Variants in RPS6KA5 observed in about 807,000 individuals in gnomAD.
RPS6KA5 encodes the protein ribosomal protein S6 kinase A5.
In RPS6KA5, 27 loss-of-function variants were observed where a neutral mutation model predicts 85.5. The observed-to-expected ratio is 0.32, with a 90% CI of 0.23 to 0.44. The LOEUF (loss-of-function observed/expected upper bound fraction) is 0.44, where lower values mean the gene tolerates loss of function less well. Among genes scored for constraint, RPS6KA5 ranks in the 20% least tolerant of loss-of-function variants. The pLI is 1.00. For synonymous variants in RPS6KA5, 334 were observed against 348.2 expected (o/e 0.96, Z 0.46); for missense variants, 811 against 980.9 (o/e 0.83, Z 2.31).
chr14:90,932,740 C>G (rs748885153), intron 5 of RPS6KA5, among the ~76,000 whole-genome samples: 4 of 152,180 alleles, frequency 2.6e-5, no homozygotes. Flanking sequence ...AGCATGATCA[C>G]GCACAAACTC....
Position 90,873,652 on chromosome 14 carries a change from A to G in RPS6KA5, c.2140T>C (p.Cys714Arg), listed in dbSNP as rs757249503. Residue 714 changes from cysteine to arginine, a missense_variant, in exon 16 of 17, where the codon TGT becomes CGT. Physicochemically the swap from Cys to Arg is radical, Grantham distance 180 (BLOSUM62 -3). Around this residue, in one of 3 missense-constraint regions of RPS6KA5, gnomAD observed 650 missense variants for 793.4 expected, o/e 0.82. Coordinates refer to ENST00000614987, the MANE Select transcript of RPS6KA5 (RefSeq NM_004755.4). Reference sequence around the variant, plus strand: ...CTTACGTGGAAGGTTGCTTTCACACAGGTATGCACGGCAGCTCCGGAAGAT... The same window carrying G: ...CTTACGTGGAAGGTTGCTTTCACACGGGTATGCACGGCAGCTCCGGAAGAT... The part of the protein sequence containing the change: ...LGSSGAAVHT[C>R]VKATFHAFNK... The G allele has an allele frequency of 3.7e-6, 6 of 1,613,770 alleles. No individual in the cohort carries two copies. The highest frequency in any genetic ancestry group is 2.7e-5 in the African/African-American group (2 of 74,930).
chr14:90,979,202 G>A (rs2039692420), intron 2 of RPS6KA5, among the ~76,000 whole-genome samples: 1 of 152,250 alleles, frequency 6.6e-6, no homozygotes, highest in East Asian at 1.9e-4. Context: ...TCCTCCAGGT[G>A]GAGGAATTGG....
At chr14:91,055,420 T>C (rs528336182) in intron 1 of RPS6KA5, among the ~76,000 whole-genome samples, 6 of 152,210 alleles carry the variant, frequency 3.9e-5, no homozygotes, top group Non-Finnish European at 8.8e-5. Context: ...AAACTTGGTA[T>C]ATCTATACAA....
At chr14:90,898,932 T>C (rs1152427) in intron 12 of RPS6KA5, among the ~76,000 whole-genome samples, 5,735 of 152,284 alleles carry the variant, frequency 0.038, 362 homozygotes, top group African/African-American at 0.13. Context: ...CTCTCAGTTT[T>C]ACTCTAGAAG....
intron 8 of RPS6KA5, among the ~76,000 whole-genome samples, chr14:90,903,528 G>A (rs1339924289): frequency 6.6e-6 from 1 of 152,176 alleles, no homozygotes; most frequent in East Asian, 1.9e-4. Context: ...CCATCATATG[G>A]ATGTGATCAC....
intron 2 of RPS6KA5, among the ~76,000 whole-genome samples, chr14:90,991,809 A>T (rs1449672664): frequency 1.3e-5 from 2 of 152,044 alleles, no homozygotes; most frequent in Non-Finnish European, 2.9e-5. Context: ...AAAACTGATC[A>T]AGGTTAGTGA....
rs1355793373 is a variant in RPS6KA5 at position 90,857,941 on chromosome 14, A to G, written c.*14133T>C. On this transcript the variant is annotated 3_prime_UTR_variant, in exon 17 of 17. Coordinates refer to ENST00000614987, the MANE Select transcript of RPS6KA5 (RefSeq NM_004755.4). ...AATGGACAAAGGAACAAATGAATAA[A>G]CCGGGTGCCTTCACATATGACCATG... The G allele has an allele frequency of 6.6e-6, 1 of 152,172 alleles. No individual in the cohort carries two copies. The highest frequency in any genetic ancestry group is 1.5e-5 in the Non-Finnish European group (1 of 68,024). 9.4% of individuals were successfully genotyped at this position (152,172 alleles called of 1,614,324 possible). A position where few individuals can be genotyped will look rare whatever the true frequency, so the allele number is the denominator to read the frequency against.
chr14:90,954,480 C>T (rs1471613832), intron 3 of RPS6KA5, among the ~76,000 whole-genome samples: 3 of 152,216 alleles, frequency 2.0e-5, no homozygotes, highest in Admixed American at 6.5e-5. Context: ...GTGGCATGAT[C>T]TCAGCTCCCT....
chr14:90,968,451 T>C (rs564707203), intron 3 of RPS6KA5, among the ~76,000 whole-genome samples: 1 of 152,332 alleles, frequency 6.6e-6, no homozygotes, highest in African/African-American at 2.4e-5. Flanking sequence ...TAGCTCAACA[T>C]ACTGACAGGT....
intron 1 of RPS6KA5, among the ~76,000 whole-genome samples, chr14:91,001,611 G>A (rs537602805): frequency 6.6e-6 from 1 of 152,078 alleles, no homozygotes; most frequent in East Asian, 1.9e-4. Flanking sequence ...CTAAATACCT[G>A]GACACGATAT....
At chr14:91,020,981 A>G (rs907171301) in intron 1 of RPS6KA5, among the ~76,000 whole-genome samples, 2 of 150,818 alleles carry the variant, frequency 1.3e-5, no homozygotes, top group Non-Finnish European at 3.0e-5. Flanking sequence ...GAAGCATACA[A>G]CATCAGTCTG....
At chr14:91,035,847 C>CAAAAAAAAAAAAAAAAAAAAAAAAAAAAA (rs199625173) in intron 1 of RPS6KA5, among the ~76,000 whole-genome samples, 1 of 69,900 alleles carries the variant, frequency 1.4e-5, no homozygotes. Flanking sequence ...CCCTCACCTT[C>CAAAAAAAAAAAAAAAAAAAAAAAAAAAAA]AAAAAAAAAA....
chr14:90,897,609 T>C (rs1423110861), intron 12 of RPS6KA5, among the ~76,000 whole-genome samples: 1 of 152,252 alleles, frequency 6.6e-6, no homozygotes, highest in Non-Finnish European at 1.5e-5. Context: ...AATGTATTTA[T>C]ACTAGTTTGT....
Position 90,906,244 on chromosome 14 carries a change from C to T in RPS6KA5, c.862G>A (p.Asp288Asn). Residue 288 changes from aspartate to asparagine, a missense_variant, in exon 8 of 17, where the codon GAC (aspartate) becomes AAC (asparagine). By Grantham distance (23) the Asp-to-Asn change is conservative. Transcript: ENST00000614987. ...YPQEMSALAK[D>N]LIQRLLMKDP... The stretch of plus-strand genomic sequence containing the variant: ...TTCATCAAAAGACGCTGAATTAGGT[C>T]TTTCGCTAAAGCACTCATTTCTTGG... 1 of 1,612,370 alleles carries T rather than the reference C, an allele frequency of 6.2e-7. No individual in the cohort carries two copies. The highest frequency in any genetic ancestry group is 2.2e-5 in the East Asian group (1 of 44,840).
chr14:90,995,407 G>A (rs533946776), intron 2 of RPS6KA5, among the ~76,000 whole-genome samples: 29 of 152,112 alleles, frequency 1.9e-4, no homozygotes, highest in South Asian at 8.3e-4. Context: ...TCCTTCACCC[G>A]AAGCCAATGC....
intron 9 of RPS6KA5, among the ~76,000 whole-genome samples, chr14:90,901,306 G>C (rs988237969): frequency 6.6e-6 from 1 of 152,056 alleles, no homozygotes; most frequent in African/African-American, 2.4e-5. Flanking sequence ...TCAAACCCCT[G>C]ACCTCAAGTG....
chr14:90,973,057 C>T (rs188768908), intron 3 of RPS6KA5, among the ~76,000 whole-genome samples: 3 of 152,316 alleles, frequency 2.0e-5, no homozygotes, highest in Admixed American at 1.3e-4. Context: ...TTTGAGAATA[C>T]GTTCTGTGGA....
At chr14:90,947,377 C>T in intron 4 of RPS6KA5, 58 bp downstream of exon 4, 2 of 898,880 alleles carry the variant, frequency 2.2e-6, no homozygotes, top group Non-Finnish European at 1.8e-6. Flanking sequence ...CTTCCAGCTC[C>T]ATTATTACCT....
intron 3 of RPS6KA5, among the ~76,000 whole-genome samples, chr14:90,968,332 T>TG (rs2039168386): frequency 6.6e-6 from 1 of 152,174 alleles, no homozygotes; most frequent in Non-Finnish European, 1.5e-5. Flanking sequence ...TAAGGACCCT[T>TG]GTGGTTACAT....
Sources: gnomAD v4.1 joint callset for allele counts (sites outside exome capture counted in the v4.1 genomes callset) on GRCh38, gnomAD v4.1.1 for gene constraint, gnomAD v4.1.1 regional missense constraint, MANE v1.5 for transcripts, NCBI Gene and HGNC (gene_info 2026-07-23, HGNC 2026-07-21) for gene names.